UQCRFS1: variants seen among roughly 807,000 people sequenced by gnomAD.
The protein encoded by UQCRFS1 is ubiquinol-cytochrome c reductase, Rieske iron-sulfur polypeptide 1.
A neutral mutation model predicts 15.6 loss-of-function variants in UQCRFS1; 6 were observed. The observed-to-expected ratio is 0.38, with a 90% CI of 0.21 to 0.76. The LOEUF (loss-of-function observed/expected upper bound fraction) is 0.76, where lower values mean the gene tolerates loss of function less well. UQCRFS1 is among the 30% of genes least tolerant of loss of function. UQCRFS1 has a pLI of 0.44. For missense variants in UQCRFS1, 203 were observed against 366.7 expected (o/e 0.55, Z 3.65); for synonymous variants, 105 against 154.3 (o/e 0.68, Z 2.37).
chr19:29,212,294 A>G (rs542025163), intron 1 of UQCRFS1, among the ~76,000 whole-genome samples: 16 of 152,248 alleles, frequency 1.1e-4, no homozygotes, highest in African/African-American at 3.9e-4. Flanking sequence ...TCTCATCTGT[A>G]AAATGTAAAT....
At position 29,207,062 on chromosome 19, in the gene UQCRFS1, A is replaced by G. The variant is rs1462268174; in HGVS notation, c.*486T>C. On this transcript the variant is annotated 3_prime_UTR_variant, in exon 2 of 2. Coordinates refer to ENST00000304863, the MANE Select transcript of UQCRFS1 (RefSeq NM_006003.3). ...TTATCACACGGCTTACACAGTAGGG[A>G]GGAAATGCATAGCCAGGACTCTTAC... 1 of 156,678 alleles carries G rather than the reference A, an allele frequency of 6.4e-6. No individual in the cohort carries two copies. The highest frequency in any genetic ancestry group is 1.4e-5 in the Non-Finnish European group (1 of 71,124). The allele number at this position is 156,678 out of a possible 1,614,324, so 9.7% of individuals were successfully genotyped here. A position where few individuals can be genotyped will look rare whatever the true frequency, so the allele number is the denominator to read the frequency against.
chr19:29,212,759 G>A (rs1010314961), intron 1 of UQCRFS1, 146 bp downstream of exon 1: 47 of 840,670 alleles, frequency 5.6e-5, no homozygotes, highest in Non-Finnish European at 7.0e-5. Context: ...CCCCGAGCCC[G>A]GGGGCCAGGC....
Position 29,207,923 on chromosome 19 carries a change from C to G in UQCRFS1, c.450G>C (p.Ala150=). Residue 150 remains alanine, a synonymous_variant, in exon 2 of 2, where the codon GCG becomes GCC. Transcript: ENST00000304863. ...TATCGGATAACTTGATTTCGATTTT[C>G]GCCAGGGCCAACACATCAGCAGAAG... ...MSASADVLAL[A]KIEIKLSDIP... is the part of the protein sequence containing the mutation. 6.2e-7 allele frequency: 1 copy of G among 1,613,950 alleles called. No homozygotes were observed. The highest frequency in any genetic ancestry group is 8.5e-7 in the Non-Finnish European group (1 of 1,179,856).
rs1480862619 is a variant in UQCRFS1, at chr19:29,208,058, T to A, written c.315A>T (p.Glu105Asp). 1.2e-6 allele frequency: 2 copies of A among 1,613,942 alleles called. No individual in the cohort carries two copies. Among genetic ancestry groups the A allele is most frequent in the African/African-American group, 1.3e-5 (1 of 74,930 alleles). ...EVLDSTKSSRESSEARKGFSY... is the reference protein window; with the variant it reads ...EVLDSTKSSRDSSEARKGFSY... ...AGAAACCTTTCCTAGCCTCGCTGCT[T>A]TCTCTTGAAGACTTCGTACTATCTA... Residue 105 changes from glutamate (E) to aspartate (D), a missense_variant, in exon 2 of 2, where the codon GAA becomes GAT. By Grantham distance (45) the Glu-to-Asp change is conservative (BLOSUM62 2). Transcript: ENST00000304863.
At position 29,212,932 on chromosome 19, in the gene UQCRFS1, G is replaced by T. The variant is rs1188381845; in HGVS notation, c.187C>A (p.Pro63Thr). Residue 63 changes from proline to threonine, a missense_variant, in exon 1 of 2, where the codon CCT becomes ACT. Physicochemically the swap from Pro to Thr is conservative, Grantham distance 38. Around this residue, in one of 3 missense-constraint regions of UQCRFS1, gnomAD observed 92 missense variants for 120.5 expected, o/e 0.76. Coordinates refer to ENST00000304863, the MANE Select transcript of UQCRFS1 (RefSeq NM_006003.3). The part of the protein sequence containing the change: ...ESLSGQAVRR[P>T]LVASVGLNVP... The stretch of plus-strand genomic sequence containing the variant: ...TTGAGGCCCACGGAGGCGACCAAAG[G>T]CCGGCGCACGGCCTGGCCGCTCAGC... 4.9e-6 allele frequency: 7 copies of T among 1,414,682 alleles called. No individual in the cohort carries two copies. Among genetic ancestry groups the T allele is most frequent in the African/African-American group, 1.5e-5 (1 of 65,856 alleles). The allele number at this position is 1,414,682 out of a possible 1,614,324, so 87.6% of individuals were successfully genotyped here.
chr19:29,208,541 A>G (rs2145206070), intron 1 of UQCRFS1, among the ~76,000 whole-genome samples: 1 of 152,354 alleles, frequency 6.6e-6, no homozygotes, highest in Non-Finnish European at 1.5e-5. Flanking sequence ...GACTTACTAT[A>G]TAAATCATGC....
chr19:29,211,529 C>T (rs1327753306), intron 1 of UQCRFS1, among the ~76,000 whole-genome samples: 2 of 152,086 alleles, frequency 1.3e-5, no homozygotes, highest in Non-Finnish European at 2.9e-5. Flanking sequence ...ATACAAAATC[C>T]GACGTTGTGA....
chr19:29,208,044 C>T lies in UQCRFS1; in HGVS notation c.329G>A (p.Arg110Lys), dbSNP rs1976610332. 1 of 1,614,042 alleles carries T rather than the reference C, an allele frequency of 6.2e-7. No individual in the cohort carries two copies. ...AGTTACCAAATAGGAGAAACCTTTC[C>T]TAGCCTCGCTGCTTTCTCTTGAAGA... ...TKSSRESSEARKGFSYLVTGV... is the reference protein window; with the variant it reads ...TKSSRESSEAKKGFSYLVTGV... Residue 110 changes from arginine to lysine, a missense_variant, in exon 2 of 2, where the codon AGG (arginine) becomes AAG (lysine). Physicochemically the swap from Arg to Lys is conservative, Grantham distance 26. Transcript: ENST00000304863.
chr19:29,212,862 C>G (rs1024354895), intron 1 of UQCRFS1, 43 bp downstream of exon 1: 3 of 1,382,320 alleles, frequency 2.2e-6, no homozygotes, highest in African/African-American at 3.1e-5. Context: ...GAGCGGGCAC[C>G]GAGAGACCCC....
At chr19:29,208,233 C>G in intron 1 of UQCRFS1, 75 bp from the exon 2 acceptor site, 2 of 1,498,898 alleles carry the variant, frequency 1.3e-6, no homozygotes, top group Non-Finnish European at 1.8e-6. Context: ...GGAAATAGCC[C>G]TTTATGGATT....
intron 1 of UQCRFS1, among the ~76,000 whole-genome samples, chr19:29,211,045 T>C (rs1428121958): frequency 4.6e-5 from 7 of 152,118 alleles, no homozygotes; most frequent in African/African-American, 1.7e-4. Flanking sequence ...TTTTAATGAC[T>C]GCCATTCTAA....
rs924236600 is a variant in UQCRFS1 at position 29,205,972 on chromosome 19, T to C, written c.*1576A>G. The C allele has an allele frequency of 2.0e-5, 3 of 152,222 alleles. No individual in the cohort carries two copies. Among genetic ancestry groups the C allele is most frequent in the African/African-American group, 7.2e-5 (3 of 41,452 alleles). 9.4% of individuals were successfully genotyped at this position (152,222 alleles called of 1,614,324 possible). Reference sequence around the variant, plus strand: ...CCTACTTCTGTCCTCCACTGCCATGTAGAATTTCAAGGTATCACTTCAGGG... The same window carrying C: ...CCTACTTCTGTCCTCCACTGCCATGCAGAATTTCAAGGTATCACTTCAGGG... On this transcript the variant is annotated 3_prime_UTR_variant, in exon 2 of 2. Transcript: ENST00000304863.
At position 29,208,277 on chromosome 19, in the gene UQCRFS1, A is replaced by G. The variant is rs573780897; in HGVS notation, c.215-119T>C. ...AAAAATCAAATTCTAAAAATGTGAA[A>G]TATGGCACTCACTGGGTCTCAGAAA... On this transcript the variant is annotated intron_variant, in intron 1 of 1. Transcript: ENST00000304863. The G allele has an allele frequency of 2.2e-6, 3 of 1,342,550 alleles. No individual in the cohort carries two copies. In the South Asian group the frequency reaches 4.6e-5, roughly 21 times the overall value. 83.2% of individuals were successfully genotyped at this position (1,342,550 alleles called of 1,614,324 possible).
intron 1 of UQCRFS1, among the ~76,000 whole-genome samples, chr19:29,211,784 G>A (rs1356011344): frequency 6.6e-6 from 1 of 152,188 alleles, no homozygotes; most frequent in African/African-American, 2.4e-5. Flanking sequence ...GGTGAATGAA[G>A]ACAGAGTAAA....
chr19:29,212,920 A>G lies in UQCRFS1; in HGVS notation c.199T>C (p.Ser67Pro). 1.4e-6 allele frequency: 2 copies of G among 1,417,074 alleles called. No individual in the cohort carries two copies. The highest frequency in any genetic ancestry group is 1.8e-6 in the Non-Finnish European group (2 of 1,098,098). 87.8% of individuals were successfully genotyped at this position (1,417,074 alleles called of 1,614,324 possible). A position where few individuals can be genotyped will look rare whatever the true frequency, so the allele number is the denominator to read the frequency against. Residue 67 changes from serine to proline, a missense_variant, in exon 1 of 2, where the codon TCC (serine) becomes CCC (proline). Transcript: ENST00000304863. Reference sequence around the variant, plus strand: ...CCCGGCTCACCATTGAGGCCCACGGAGGCGACCAAAGGCCGGCGCACGGCC... The same window carrying G: ...CCCGGCTCACCATTGAGGCCCACGGGGGCGACCAAAGGCCGGCGCACGGCC... The part of the protein sequence containing the change: ...GQAVRRPLVA[S>P]VGLNVPASVC...
rs144678913 is a variant in UQCRFS1 at position 29,208,080 on chromosome 19, T to C, written c.293A>G (p.Asp98Gly). 1.5e-5 allele frequency: 24 copies of C among 1,613,958 alleles called. No individual in the cohort carries two copies. Among genetic ancestry groups the C allele is most frequent in the Non-Finnish European group, 1.9e-5 (22 of 1,179,966 alleles). ...FSEYRRLEVLDSTKSSRESSE... is the reference protein window; with the variant it reads ...FSEYRRLEVLGSTKSSRESSE... ...GCTTTCTCTTGAAGACTTCGTACTA[T>C]CTAAAACTTCAAGGCGGCGGTATTC... Residue 98 changes from aspartate (D) to glycine (G), a missense_variant, in exon 2 of 2, where the codon GAT becomes GGT. Physicochemically the swap from Asp to Gly is moderately conservative, Grantham distance 94 (BLOSUM62 -1). Transcript: ENST00000304863.
In UQCRFS1 at chr19:29,208,173, G is replaced by A. The variant is rs1599710462; in HGVS notation, c.215-15C>T. ...AGAAGCAGGGACTGCAAGACAAACA[G>A]AAGGTTAAAAAACACAATTAGATGA... On this transcript the variant is annotated splice_polypyrimidine_tract_variant and intron_variant, in intron 1 of 1. Transcript: ENST00000304863. 4.4e-6 allele frequency: 7 copies of A among 1,593,318 alleles called. No homozygotes were observed. The highest frequency in any genetic ancestry group is 1.4e-5 in the African/African-American group (1 of 73,948).
Position 29,208,174 on chromosome 19 carries a change from A to C in UQCRFS1, c.215-16T>G, listed in dbSNP as rs745981769. 3 of 1,592,210 alleles carry C rather than the reference A, an allele frequency of 1.9e-6. No homozygotes were observed. The highest frequency in any genetic ancestry group is 1.4e-5 in the African/African-American group (1 of 73,962). Reference sequence around the variant, plus strand: ...GAAGCAGGGACTGCAAGACAAACAGAAGGTTAAAAAACACAATTAGATGAG... The same window carrying C: ...GAAGCAGGGACTGCAAGACAAACAGCAGGTTAAAAAACACAATTAGATGAG... On this transcript the variant is annotated splice_polypyrimidine_tract_variant and intron_variant, in intron 1 of 1. Coordinates refer to ENST00000304863, the MANE Select transcript of UQCRFS1 (RefSeq NM_006003.3).
chr19:29,209,282 A>G (rs936277191), intron 1 of UQCRFS1, among the ~76,000 whole-genome samples: 1 of 152,162 alleles, frequency 6.6e-6, no homozygotes, highest in African/African-American at 2.4e-5. Flanking sequence ...AAAAAAGGGG[A>G]CACTAAAAAT....
Sources: allele counts gnomAD v4.1 joint callset (sites outside exome capture counted in the v4.1 genomes callset), GRCh38; gene constraint gnomAD v4.1.1; regional missense constraint gnomAD v4.1.1; transcripts MANE v1.5; gene names NCBI Gene and HGNC (gene_info 2026-07-23, HGNC 2026-07-21).